The following GPSM2 variants were observed in gnomAD, a reference collection of about 807,000 sequenced individuals.
GPSM2 encodes the protein G protein signaling modulator 2.
Under a neutral mutation model 78.4 loss-of-function variants are expected in GPSM2, and 58 were observed. That is an observed-to-expected ratio of 0.74 (90% confidence interval 0.60 to 0.92). The LOEUF is 0.92. GPSM2 is among the 40% of genes least tolerant of loss of function. The pLI is 0.00. For missense variants in GPSM2, 700 were observed against 815.5 expected (o/e 0.86, Z 1.73); for synonymous variants, 224 against 280.2 (o/e 0.80, Z 2.00).
At chr1:108,927,430 A>G (rs1203124595) in intron 14 of GPSM2, among the ~76,000 whole-genome samples, 1 of 152,202 alleles carries the variant, frequency 6.6e-6, no homozygotes, top group Non-Finnish European at 1.5e-5. Context: ...CAGTACTGGC[A>G]TAAAAGACAG....
At chr1:108,916,988 T>TTA (rs1447542549) in intron 11 of GPSM2, among the ~76,000 whole-genome samples, 3 of 152,194 alleles carry the variant, frequency 2.0e-5, no homozygotes, top group Non-Finnish European at 4.4e-5. Flanking sequence ...TTTGCTGACT[T>TTA]TAGAATTCTT....
At chr1:108,888,171 C>T (rs1647710340) in intron 2 of GPSM2, among the ~76,000 whole-genome samples, 1 of 152,214 alleles carries the variant, frequency 6.6e-6, no homozygotes, top group Non-Finnish European at 1.5e-5. Context: ...CCTGCCTCAG[C>T]CTCCTGAGTA....
chr1:108,897,385 G>T (rs1648450109), intron 3 of GPSM2, 107 bp from the exon 4 acceptor site: 1 of 1,074,872 alleles, frequency 9.3e-7, no homozygotes, highest in South Asian at 1.4e-5. Flanking sequence ...CCTTAAGCAT[G>T]TCAGTTTGTC....
In GPSM2 at chr1:108,897,076, C is replaced by A. The variant is rs142601985; in HGVS notation, c.269C>A (p.Thr90Asn). 2 of 1,596,222 alleles carry A rather than the reference C, an allele frequency of 1.3e-6. No homozygotes were observed. The highest frequency in any genetic ancestry group is 2.7e-5 in the African/African-American group (2 of 74,600). The change falls in exon 3 of 15, where the codon ACC (threonine) becomes AAC (asparagine). Residue 90 changes from threonine to asparagine, a missense_variant. Physicochemically the swap from Thr to Asn is moderately conservative, Grantham distance 65. Transcript: ENST00000264126. ...TTAGAATATCACCATCATGATTTAACCCTTGCAAGGTAATTAATTTAAGCT... is the reference window on the plus strand; with the variant it reads ...TTAGAATATCACCATCATGATTTAAACCTTGCAAGGTAATTAATTTAAGCT... ...KALEYHHHDL[T>N]LARTIGDQLG...
intron 8 of GPSM2, 71 bp downstream of exon 8, chr1:108,902,016 CTT>C (rs1648866606): frequency 1.8e-6 from 2 of 1,108,288 alleles, no homozygotes; most frequent in African/African-American, 1.5e-5. Context: ...AGAATTTTTC[CTT>C]TGTTTCTTTT....
At chr1:108,927,789 G>A (rs552818410) in intron 14 of GPSM2, among the ~76,000 whole-genome samples, 1 of 152,244 alleles carries the variant, frequency 6.6e-6, no homozygotes, top group African/African-American at 2.4e-5. Context: ...GGGCAGCATA[G>A]TGAGACCCCA....
chr1:108,879,947 CA>C (rs1665815474), intron 1 of GPSM2, among the ~76,000 whole-genome samples: 1 of 152,212 alleles, frequency 6.6e-6, no homozygotes, highest in Non-Finnish European at 1.5e-5. Flanking sequence ...TCCTGGAACA[CA>C]TTCTGTGCAT....
rs1306905049 is a variant in GPSM2 at position 108,932,595 on chromosome 1, CA to C, written c.*2656del. 1 of 152,086 alleles carries C rather than the reference CA, an allele frequency of 6.6e-6. No individual in the cohort carries two copies. The highest frequency in any genetic ancestry group is 1.5e-5 in the Non-Finnish European group (1 of 68,020). The allele number at this position is 152,086 out of a possible 1,614,324, so 9.4% of individuals were successfully genotyped here. On this transcript the variant is annotated 3_prime_UTR_variant, in exon 15 of 15. Transcript: ENST00000264126. Reference sequence around the variant, plus strand: ...AAAGGCATGCAAGCAGCATTAATTCCACTCACAGTTACAGTCTATCACCTGG... The same window carrying C: ...AAAGGCATGCAAGCAGCATTAATTCCCTCACAGTTACAGTCTATCACCTGG...
At chr1:108,882,490 GA>G (rs1647206822) in intron 1 of GPSM2, 1 of 152,008 alleles carries the variant, frequency 6.6e-6, no homozygotes, top group Non-Finnish European at 1.5e-5. Context: ...CAATGCCAAG[GA>G]AAAAAGTCTA....
At chr1:108,910,871 A>AG in intron 10 of GPSM2, among the ~76,000 whole-genome samples, 1 of 152,272 alleles carries the variant, frequency 6.6e-6, no homozygotes, top group East Asian at 1.9e-4. Flanking sequence ...TCAAAAAAAA[A>AG]AAAAATTCAA....
chr1:108,926,948 TCAA>T, intron 14 of GPSM2: 1 of 152,216 alleles, frequency 6.6e-6, no homozygotes, highest in South Asian at 2.1e-4. Context: ...ACAGAGGTAA[TCAA>T]CAAGTTCAAC....
chr1:108,895,312 G>T (rs1648270504), intron 2 of GPSM2, among the ~76,000 whole-genome samples: 1 of 152,228 alleles, frequency 6.6e-6, no homozygotes, highest in African/African-American at 2.4e-5. Flanking sequence ...TAAAACATTT[G>T]ATGAGCTTAA....
At chr1:108,886,287 T>G (rs1334254551) in intron 2 of GPSM2, among the ~76,000 whole-genome samples, 1 of 152,234 alleles carries the variant, frequency 6.6e-6, no homozygotes, top group Non-Finnish European at 1.5e-5. Context: ...TACATTATTA[T>G]TAAAATACAA....
At position 108,931,627 on chromosome 1, in the gene GPSM2, C is replaced by CT. The variant is rs1011666116; in HGVS notation, c.*1688dup. On this transcript the variant is annotated 3_prime_UTR_variant, in exon 15 of 15. Transcript: ENST00000264126. ...GGAATTAATTACATTAAGTGCTCAG[C>CT]TAAAAAAAAAAAAAAAGTTCTAAAT... 8.9e-6 allele frequency: 9 copies of CT among 1,011,690 alleles called. No homozygotes were observed. Among genetic ancestry groups the CT allele is most frequent in the African/African-American group, 7.8e-5 (3 of 38,356 alleles). 62.7% of individuals were successfully genotyped at this position (1,011,690 alleles called of 1,614,324 possible). A position where few individuals can be genotyped will look rare whatever the true frequency, so the allele number is the denominator to read the frequency against.
At position 108,931,628 on chromosome 1, in the gene GPSM2, TAA is replaced by T. The variant is rs71593448; in HGVS notation, c.*1702_*1703del. The T allele has an allele frequency of 0.016, 12,335 of 793,102 alleles. No homozygotes were observed. The highest frequency in any genetic ancestry group is 0.029 in the East Asian group (840 of 28,508). 49.1% of individuals were successfully genotyped at this position (793,102 alleles called of 1,614,324 possible). A position where few individuals can be genotyped will look rare whatever the true frequency, so the allele number is the denominator to read the frequency against. ...GAATTAATTACATTAAGTGCTCAGC[TAA>T]AAAAAAAAAAAAAGTTCTAAATTAC... On this transcript the variant is annotated 3_prime_UTR_variant, in exon 15 of 15. Coordinates refer to ENST00000264126, the MANE Select transcript of GPSM2 (RefSeq NM_013296.5).
At chr1:108,917,630 A>ATT (rs1650357458) in intron 11 of GPSM2, among the ~76,000 whole-genome samples, 1 of 16,988 alleles carries the variant, frequency 5.9e-5, no homozygotes, top group African/African-American at 4.4e-4. Context: ...ATATATATAT[A>ATT]TATATATATA....
intron 2 of GPSM2, among the ~76,000 whole-genome samples, chr1:108,889,143 G>A (rs181900361): frequency 3.5e-4 from 54 of 152,300 alleles, no homozygotes; most frequent in South Asian, 8.3e-4. Flanking sequence ...AATTTATTTA[G>A]TAAGGCCATT....
intron 10 of GPSM2, among the ~76,000 whole-genome samples, chr1:108,910,670 C>T (rs1219837198): frequency 2.0e-5 from 3 of 152,096 alleles, no homozygotes; most frequent in Non-Finnish European, 4.4e-5. Flanking sequence ...CGAGACCAGC[C>T]TGACCAACGT....
At chr1:108,929,107 G>A (rs72699240) in intron 14 of GPSM2, among the ~76,000 whole-genome samples, 5,850 of 152,100 alleles carry the variant, frequency 0.038, 148 homozygotes, top group South Asian at 0.098. Context: ...AGGCTTTGCC[G>A]CCCATATGGT....
Sources: allele counts gnomAD v4.1 joint callset (sites outside exome capture counted in the v4.1 genomes callset), GRCh38; gene constraint gnomAD v4.1.1; transcripts MANE v1.5; gene names NCBI Gene and HGNC (gene_info 2026-07-23, HGNC 2026-07-21).